The following FAT1 variants were observed in gnomAD, a reference collection of about 807,000 sequenced individuals.
The protein encoded by FAT1 is FAT atypical cadherin 1, also known as protocadherin Fat 1.
FAT1 carries 171 observed loss-of-function variants against 329.8 expected under a neutral mutation model. The ratio of observed to expected loss-of-function variants is 0.52; its 90% CI spans 0.46 to 0.59. The LOEUF (loss-of-function observed/expected upper bound fraction) is 0.59. Ranked by LOEUF, FAT1 falls within the 20% of genes least tolerant of loss-of-function variation. FAT1 has a pLI of 0.00. For missense variants in FAT1, 5,672 were observed against 5,774.4 expected, an observed-to-expected ratio of 0.98 and a Z score of 0.57; for synonymous variants, 2,233 against 2,228.6, an observed-to-expected ratio of 1.00 and a Z score of -0.06.
intron 26 of FAT1, among the ~76,000 whole-genome samples, chr4:186,594,056 G>C (rs1157270060): frequency 6.6e-6 from 1 of 151,892 alleles, no homozygotes; most frequent in Non-Finnish European, 1.5e-5. Context: ...ATAACTTATT[G>C]AAAGCACTTG....
At chr4:186,605,920 C>T (rs1046909898) in intron 17 of FAT1, 150 bp downstream of exon 17, 6 of 686,048 alleles carry the variant, frequency 8.7e-6, no homozygotes, top group Non-Finnish European at 1.5e-5. Flanking sequence ...CTTTAAAATG[C>T]TCATCTTTTA....
chr4:186,599,202 C>T (rs1180320054), intron 22 of FAT1, among the ~76,000 whole-genome samples: 6 of 152,170 alleles, frequency 3.9e-5, no homozygotes, highest in Admixed American at 2.0e-4. Flanking sequence ...GCCCACTCTA[C>T]GCACACAGAA....
chr4:186,639,691 T>C (rs763014866), intron 4 of FAT1, 31 bp downstream of exon 4: 1 of 1,454,934 alleles, frequency 6.9e-7, no homozygotes, highest in African/African-American at 1.4e-5. Context: ...ACTACGAATC[T>C]TTAAGTATTA....
At chr4:186,613,438 C>CT (rs1201188598) in intron 12 of FAT1, 96 bp from the exon 13 acceptor site, 5 of 912,224 alleles carry the variant, frequency 5.5e-6, no homozygotes, top group Middle Eastern at 2.2e-4. Flanking sequence ...ATTACTTAGT[C>CT]TGAGTATTCA....
intron 1 of FAT1, among the ~76,000 whole-genome samples, chr4:186,717,088 T>C (rs1745242674): frequency 6.6e-6 from 1 of 152,198 alleles, no homozygotes; most frequent in Admixed American, 6.5e-5. Context: ...TTAAAAATAC[T>C]GTATATTAAA....
intron 2 of FAT1, among the ~76,000 whole-genome samples, chr4:186,702,000 C>A (rs1744348065): frequency 9.9e-6 from 1 of 100,886 alleles, no homozygotes; most frequent in Non-Finnish European, 1.9e-5. Flanking sequence ...GAGCCGACCC[C>A]CACACAGGTG....
At chr4:186,627,781 G>A (rs777995369) in intron 9 of FAT1, among the ~76,000 whole-genome samples, 11 of 152,168 alleles carry the variant, frequency 7.2e-5, no homozygotes, top group African/African-American at 2.2e-4. Flanking sequence ...AAAGTGAAAC[G>A]TTAAATTACT....
intron 3 of FAT1, among the ~76,000 whole-genome samples, chr4:186,646,881 A>T (rs1560963873): frequency 6.6e-6 from 1 of 152,200 alleles, no homozygotes; most frequent in Non-Finnish European, 1.5e-5. Context: ...ACTTCACCTG[A>T]ACACGTACCA....
chr4:186,684,258 G>T (rs557166045), intron 2 of FAT1, among the ~76,000 whole-genome samples: 1 of 152,054 alleles, frequency 6.6e-6, no homozygotes, highest in African/African-American at 2.4e-5. Context: ...TTGTTTAATC[G>T]TCTCATCTAG....
chr4:186,603,630 T>G lies in FAT1; in HGVS notation c.10896A>C (p.Arg3632Ser), dbSNP rs1270401187. 6.2e-7 allele frequency: 1 copy of G among 1,614,024 alleles called. No individual in the cohort carries two copies. Among genetic ancestry groups the G allele is most frequent in the South Asian group, 1.1e-5 (1 of 91,086 alleles). ...GGTTCAACATCTCCTGTGTGACTTG[T>G]CTGATATGCACTGTGATGTCGGCCA... Reference protein sequence around the residue: ...TTVADITVHIRQVTQEMLNHT... With the variant: ...TTVADITVHISQVTQEMLNHT... Residue 3632 changes from arginine to serine, a missense_variant, in exon 19 of 27, where the codon AGA (arginine) becomes AGC (serine). Arg to Ser is a moderately radical substitution (Grantham distance 110, BLOSUM62 -1). This residue lies in a region of FAT1 where 1,706 missense variants were observed against 1,859.1 expected (regional missense o/e 0.92). Coordinates refer to ENST00000441802, the MANE Select transcript of FAT1 (RefSeq NM_005245.4).
At position 186,707,186 on chromosome 4, in the gene FAT1, C is replaced by A. The variant is rs536104649; in HGVS notation, c.2642G>T (p.Arg881Leu). The A allele has an allele frequency of 6.2e-7, 1 of 1,613,894 alleles. No individual in the cohort carries two copies. Among genetic ancestry groups the A allele is most frequent in the South Asian group, 1.1e-5 (1 of 91,066 alleles). The change falls in exon 2 of 27, where the codon CGC becomes CTC. Residue 881 changes from arginine (R) to leucine (L), a missense_variant. Coordinates refer to ENST00000441802, the MANE Select transcript of FAT1 (RefSeq NM_005245.4). Reference sequence around the variant, plus strand: ...ATGCTGCAGCTCTCGATCCAGAGGGCGTGCGATGTTAACAACACCCGTCAC... The same window carrying A: ...ATGCTGCAGCTCTCGATCCAGAGGGAGTGCGATGTTAACAACACCCGTCAC... The part of the protein sequence containing the change: ...DSVTGVVNIA[R>L]PLDRELQHEH...
intron 7 of FAT1, 82 bp downstream of exon 7, chr4:186,633,602 C>A (rs912908275): frequency 1.2e-5 from 17 of 1,470,538 alleles, no homozygotes; most frequent in Middle Eastern, 4.1e-4. Flanking sequence ...CAGAATCCAC[C>A]GCTCATATTG....
At chr4:186,663,750 GC>G in intron 2 of FAT1, 137 bp from the exon 3 acceptor site, 1 of 633,206 alleles carries the variant, frequency 1.6e-6, no homozygotes, top group East Asian at 2.7e-5. Flanking sequence ...AGGTTAACCA[GC>G]CTTTCTGTGA....
rs1560962429 is a variant in FAT1, at chr4:186,645,401, AT to A, written c.3581-5619del. Among the ~76,000 whole-genome samples the A allele has an allele frequency of 4.0e-4, 41 of 102,914 alleles. 1 individual carries two copies. The highest frequency in any genetic ancestry group is 1.5e-3 in the African/African-American group (39 of 26,170). 67.5% of individuals were successfully genotyped at this position (102,914 alleles called of 152,430 possible). ...TATATATATATATATATATATATAT[AT>A]ATATATATATATATATATATGCCTG... On this transcript the variant is annotated intron_variant, in intron 3 of 26. Transcript: ENST00000441802.
chr4:186,703,062 C>T (rs1018204481), intron 2 of FAT1, among the ~76,000 whole-genome samples: 1 of 152,182 alleles, frequency 6.6e-6, no homozygotes, highest in Non-Finnish European at 1.5e-5. Flanking sequence ...CTCTCCCCTT[C>T]CAGACCTCAC....
intron 3 of FAT1, among the ~76,000 whole-genome samples, chr4:186,642,405 G>C (rs1741142655): frequency 6.6e-6 from 1 of 152,164 alleles, no homozygotes; most frequent in South Asian, 2.1e-4. Context: ...TTCTTGCATA[G>C]CTTGCTCACA....
chr4:186,713,248 A>T lies in FAT1; in HGVS notation c.-18-3403T>A, dbSNP rs148896001. Among the ~76,000 whole-genome samples the T allele has an allele frequency of 2.8e-3, 433 of 152,154 alleles. 1 individual carries two copies. The highest frequency in any genetic ancestry group is 0.01 in the African/African-American group (417 of 41,482). ...GTCTCCTAAGGCTCCTCTGGAATGT[A>T]CGTTTCTCAGATTTTCCTTGCTTTT... is the stretch of plus-strand genomic sequence containing the variant. On this transcript the variant is annotated intron_variant, in intron 1 of 26. Transcript: ENST00000441802.
At position 186,598,088 on chromosome 4, in the gene FAT1, G is replaced by C. The variant is rs921954002; in HGVS notation, c.12141C>G (p.Thr4047=). The C allele has an allele frequency of 1.9e-6, 3 of 1,613,676 alleles. No homozygotes were observed. Among genetic ancestry groups the C allele is most frequent in the Non-Finnish European group, 2.5e-6 (3 of 1,179,814 alleles). Residue 4047 remains threonine (T), a synonymous_variant, in exon 23 of 27, where the codon ACC becomes ACG. Transcript: ENST00000441802. The stretch of plus-strand genomic sequence containing the variant: ...ACGGATTGACGCTTATCTCACAGTG[G>C]GTCCCTATGTACAAGGCACTGCATT... ...YCKCSALYIG[T]HCEISVNPCS... is the part of the protein sequence containing the mutation.
intron 2 of FAT1, among the ~76,000 whole-genome samples, chr4:186,693,124 C>A (rs1017259479): frequency 1.3e-5 from 2 of 152,116 alleles, no homozygotes; most frequent in Admixed American, 6.6e-5. Context: ...TACTGTAATG[C>A]CATTACATGT....
Sources: allele counts gnomAD v4.1 joint callset (sites outside exome capture counted in the v4.1 genomes callset), GRCh38; gene constraint gnomAD v4.1.1; regional missense constraint gnomAD v4.1.1; transcripts MANE v1.5; gene names NCBI Gene and HGNC (gene_info 2026-07-23, HGNC 2026-07-21).